GALNT9: variants seen among roughly 807,000 people sequenced by gnomAD.
The protein encoded by GALNT9 is polypeptide N-acetylgalactosaminyltransferase 9.
A neutral mutation model predicts 63.1 loss-of-function variants in GALNT9; 47 were observed. That is an observed-to-expected ratio of 0.75 (90% confidence interval 0.59 to 0.95). The LOEUF is 0.95. Among genes scored for constraint, GALNT9 ranks in the 40% least tolerant of loss-of-function variants. The pLI is 0.00. For synonymous variants in GALNT9, 396 were observed against 365.7 expected, an observed-to-expected ratio of 1.08 and a Z score of -0.94; for missense variants, 829 against 874.8, an observed-to-expected ratio of 0.95 and a Z score of 0.66.
chr12:132,238,219 G>C lies in GALNT9; in HGVS notation c.1077+9691C>G, dbSNP rs1259504859. Among the ~76,000 whole-genome samples the C allele has an allele frequency of 6.6e-6, 1 of 152,102 alleles. No homozygotes were observed. The highest frequency in any genetic ancestry group is 2.1e-4 in the South Asian group (1 of 4,828). ...CTCAGGACCCAGGAGAGAGGGGAGA[G>C]AGGGGGCGTCATCCCAGAGCCCATG... On this transcript the variant is annotated intron_variant, in intron 6 of 10. Transcript: ENST00000328957. This position sits in a 1 kb window ranked among gnomAD's most constrained non-coding sequence, Gnocchi z 6.5.
intron 2 of GALNT9, chr12:132,284,241 GCGCACACACC>G (rs1399813480): frequency 1.3e-5 from 2 of 149,474 alleles, no homozygotes; most frequent in Non-Finnish European, 3.0e-5. Context: ...ATGCACACAT[GCGCACACACC>G]CGCACACATG....
intron 6 of GALNT9, among the ~76,000 whole-genome samples, chr12:132,239,248 T>C (rs1878118663): frequency 7.0e-6 from 1 of 142,430 alleles, no homozygotes; most frequent in African/African-American, 2.6e-5. Context: ...ACACATACAC[T>C]GAGAGACTGA....
At chr12:132,302,229 TACACACACACACAC>T (rs56317485) in intron 1 of GALNT9, among the ~76,000 whole-genome samples, 3 of 143,722 alleles carry the variant, frequency 2.1e-5, no homozygotes, top group Non-Finnish European at 3.0e-5. Context: ...TAGAAAATTC[TACACACACACACAC>T]ACACACACAC....
At chr12:132,249,625 C>G (rs1002821468) in intron 5 of GALNT9, among the ~76,000 whole-genome samples, 1 of 152,214 alleles carries the variant, frequency 6.6e-6, no homozygotes, top group African/African-American at 2.4e-5. Context: ...TTCTTAACAA[C>G]AACCATCATT....
At chr12:132,240,956 G>A (rs1591587784) in intron 6 of GALNT9, among the ~76,000 whole-genome samples, 1 of 139,752 alleles carries the variant, frequency 7.2e-6, no homozygotes. Flanking sequence ...CCTTCCCGGG[G>A]CCCTCCCTAT....
At chr12:132,298,953 C>T (rs1356577225) in intron 1 of GALNT9, among the ~76,000 whole-genome samples, 3 of 148,786 alleles carry the variant, frequency 2.0e-5, no homozygotes, top group Non-Finnish European at 1.5e-5. Context: ...ACAACCCACT[C>T]CTGAGATAAA....
At chr12:132,257,447 CCCTCATCCCCG>C (rs1879166765) in intron 5 of GALNT9, among the ~76,000 whole-genome samples, 4 of 150,486 alleles carry the variant, frequency 2.7e-5, no homozygotes, top group Admixed American at 6.6e-5. Context: ...CGTCCCCATG[CCCTCATCCCCG>C]GCCCTCGTCC....
rs1195457000 is a variant in GALNT9, at chr12:132,296,125, A to C, written c.239-9695T>G. Among the ~76,000 whole-genome samples the C allele has an allele frequency of 2.6e-5, 4 of 151,612 alleles. No homozygotes were observed. The highest frequency in any genetic ancestry group is 2.6e-4 in the Admixed American group (4 of 15,260). On this transcript the variant is annotated intron_variant, in intron 1 of 10. Transcript: ENST00000328957. The surrounding 1 kb of genome is among the most constrained non-coding windows in gnomAD (Gnocchi z 4.2). ...GCCTCCGAACAGGGAGAGCCTCTGAACAGGGAGAGCCTCTGAACAGGGACG... is the reference window on the plus strand; with the variant it reads ...GCCTCCGAACAGGGAGAGCCTCTGACCAGGGAGAGCCTCTGAACAGGGACG...
In GALNT9 at chr12:132,246,881, G is replaced by A. The variant is rs987800204; in HGVS notation, c.1077+1029C>T. Reference sequence around the variant, plus strand: ...CCTGAGTTAAACAATCGCGGCCACGGGGAAGGAGGCCGTTTTATTGATTGA... The same window carrying A: ...CCTGAGTTAAACAATCGCGGCCACGAGGAAGGAGGCCGTTTTATTGATTGA... On this transcript the variant is annotated intron_variant, in intron 6 of 10. Coordinates refer to ENST00000328957, the MANE Select transcript of GALNT9 (RefSeq NM_001122636.2). The surrounding 1 kb of genome is among the most constrained non-coding windows in gnomAD (Gnocchi z 4.7). 2.0e-5 allele frequency among the ~76,000 whole-genome samples: 3 copies of A among 152,176 alleles called. No homozygotes were observed. The highest frequency in any genetic ancestry group is 2.9e-5 in the Non-Finnish European group (2 of 68,036).
At chr12:132,216,209 G>A (rs970174910) in intron 6 of GALNT9, among the ~76,000 whole-genome samples, 4 of 152,102 alleles carry the variant, frequency 2.6e-5, no homozygotes, top group African/African-American at 7.2e-5. Context: ...AGACAGACAC[G>A]GAGAGAGAGA....
rs1022556140 is a variant in GALNT9 at position 132,227,405 on chromosome 12, T to C, written c.1077+20505A>G. Among the ~76,000 whole-genome samples the C allele has an allele frequency of 1.6e-3, 249 of 152,246 alleles. 3 individuals are homozygous for C. In the East Asian group the frequency reaches 0.03, roughly 18 times the overall value. On this transcript the variant is annotated intron_variant, in intron 6 of 10. Coordinates refer to ENST00000328957, the MANE Select transcript of GALNT9 (RefSeq NM_001122636.2). The stretch of plus-strand genomic sequence containing the variant: ...GCTGGCCGCAGCTCCCTCCGAAGCG[T>C]GTGCCTGTGAAAGCAACACCTCAGG...
At chr12:132,201,029 T>C (rs879099577) in intron 8 of GALNT9, 95 bp downstream of exon 8, 5 of 1,216,518 alleles carry the variant, frequency 4.1e-6, no homozygotes, top group East Asian at 2.4e-5. Context: ...TCCGTGTGCA[T>C]GTGGATGTGC....
At chr12:132,270,701 C>T (rs1158758447) in intron 2 of GALNT9, among the ~76,000 whole-genome samples, 1 of 152,208 alleles carries the variant, frequency 6.6e-6, no homozygotes, top group South Asian at 2.1e-4. Flanking sequence ...GCCACAGCCA[C>T]AGCCACGGAC....
At position 132,246,445 on chromosome 12, in the gene GALNT9, A is replaced by G. The variant is rs1251314395; in HGVS notation, c.1077+1465T>C. Among the ~76,000 whole-genome samples, 1 of 152,218 alleles carries G rather than the reference A, an allele frequency of 6.6e-6. No homozygotes were observed. Among genetic ancestry groups the G allele is most frequent in the African/African-American group, 2.4e-5 (1 of 41,454 alleles). ...AGTGATTAAAAGAAAATAAAACACTATGTTTGTAAGTGCCATTTTTAAAAG... is the reference window on the plus strand; with the variant it reads ...AGTGATTAAAAGAAAATAAAACACTGTGTTTGTAAGTGCCATTTTTAAAAG... On this transcript the variant is annotated intron_variant, in intron 6 of 10. Transcript: ENST00000328957. The surrounding 1 kb of genome is among the most constrained non-coding windows in gnomAD (Gnocchi z 4.7).
In GALNT9 at chr12:132,304,449, TCGCCC is replaced by T. The variant is rs1555244306; in HGVS notation, c.239-18024_239-18020del. ...GGCACAGCCTCGCCCGGGCACACCCTCGCCCGGGCACAGCCTCGCCCGGGCACACG... is the reference window on the plus strand; with the variant it reads ...GGCACAGCCTCGCCCGGGCACACCCTGGGCACAGCCTCGCCCGGGCACACG... On this transcript the variant is annotated intron_variant, in intron 1 of 10. Coordinates refer to ENST00000328957, the MANE Select transcript of GALNT9 (RefSeq NM_001122636.2). Among the ~76,000 whole-genome samples the T allele has an allele frequency of 4.0e-4, 23 of 57,826 alleles. 1 individual carries two copies. Among genetic ancestry groups the T allele is most frequent in the African/African-American group, 1.6e-3 (21 of 13,156 alleles). 37.9% of individuals were successfully genotyped at this position (57,826 alleles called of 152,430 possible).
chr12:132,261,025 C>A lies in GALNT9; in HGVS notation c.684G>T (p.Ala228=). 6.4e-7 allele frequency: 1 copy of A among 1,550,968 alleles called. No individual in the cohort carries two copies. Reference sequence around the variant, plus strand: ...TGGCCGCCTTCCAGCCCTGCAGCCGCGCGCGGATCAGTCCTTCCCGCCGGC... The same window carrying A: ...TGGCCGCCTTCCAGCCCTGCAGCCGAGCGCGGATCAGTCCTTCCCGCCGGC... The part of the protein sequence containing the change: ...RNSRREGLIR[A]RLQGWKAATA... The change falls in exon 4 of 11, where the codon GCG becomes GCT. Residue 228 remains alanine (A), a synonymous_variant. Coordinates refer to ENST00000328957, the MANE Select transcript of GALNT9 (RefSeq NM_001122636.2).
In GALNT9 at chr12:132,291,384, G is replaced by A. The variant is rs371483326; in HGVS notation, c.239-4954C>T. On this transcript the variant is annotated intron_variant, in intron 1 of 10. Transcript: ENST00000328957. ...CAGCACCCACGTCCACAGCACCCAC[G>A]TCCACAGCACCCACGTCCACAGCGC... Among the ~76,000 whole-genome samples, 49 of 43,480 alleles carry A rather than the reference G, an allele frequency of 1.1e-3. 2 individuals carry two copies. In the East Asian group the frequency reaches 0.016, roughly 14 times the overall value. The allele number at this position is 43,480 out of a possible 152,430, so 28.5% of individuals were successfully genotyped here. A position where few individuals can be genotyped will look rare whatever the true frequency, so the allele number is the denominator to read the frequency against.
intron 6 of GALNT9, among the ~76,000 whole-genome samples, chr12:132,211,290 T>C (rs368917313): frequency 2.0e-5 from 3 of 152,234 alleles, no homozygotes; most frequent in Non-Finnish European, 4.4e-5. Flanking sequence ...GATATATTTA[T>C]GCTACAGGAA....
rs1423457847 is a variant in GALNT9 at position 132,261,084 on chromosome 12, G to T, written c.625C>A (p.Arg209=). The change falls in exon 4 of 11, where the codon CGG becomes AGG. Residue 209 remains arginine (R), a synonymous_variant. Coordinates refer to ENST00000328957, the MANE Select transcript of GALNT9 (RefSeq NM_001122636.2). ...KFNLDQYVNK[R]YPGLVKIVRN... ...ACAATCTTCACGAGGCCTGGGTACC[G>T]CTTGTTGACGTACTGGTCCAGATTG... 3 of 1,551,474 alleles carry T rather than the reference G, an allele frequency of 1.9e-6. No individual in the cohort carries two copies. Among genetic ancestry groups the T allele is most frequent in the Non-Finnish European group, 2.6e-6 (3 of 1,146,986 alleles).
Sources: gnomAD v4.1 joint callset for allele counts (sites outside exome capture counted in the v4.1 genomes callset) on GRCh38, gnomAD v4.1.1 for gene constraint, Gnocchi (gnomAD v3.1) non-coding constraint, MANE v1.5 for transcripts, NCBI Gene and HGNC (gene_info 2026-07-23, HGNC 2026-07-21) for gene names.